The following ARHGEF3 variants were observed in gnomAD, a reference collection of about 807,000 sequenced individuals.
ARHGEF3 encodes the protein 59.8 kDA protein.
A neutral mutation model predicts 63.2 loss-of-function variants in ARHGEF3; 28 were observed. That is an observed-to-expected ratio of 0.44 (90% confidence interval 0.33 to 0.61). ARHGEF3 has a LOEUF of 0.61. Ranked by LOEUF, ARHGEF3 falls within the 20% of genes least tolerant of loss-of-function variation. ARHGEF3 has a pLI of 0.03. For synonymous variants in ARHGEF3, 266 were observed against 254.2 expected, an observed-to-expected ratio of 1.05 and a Z score of -0.44; for missense variants, 533 against 659.3, an observed-to-expected ratio of 0.81 and a Z score of 2.10.
chr3:56,958,225 C>T (rs1265369192), intron 3 of ARHGEF3, among the ~76,000 whole-genome samples: 2 of 152,116 alleles, frequency 1.3e-5, no homozygotes, highest in East Asian at 3.9e-4. Flanking sequence ...GCCTCAGCAA[C>T]CTTGACACTT....
intron 2 of ARHGEF3, among the ~76,000 whole-genome samples, chr3:56,982,218 C>T (rs1701352784): frequency 6.6e-6 from 1 of 150,898 alleles, no homozygotes; most frequent in Non-Finnish European, 1.5e-5. Context: ...GGTAGCCTAT[C>T]ACTAGACTTG....
chr3:56,765,422 CA>C (rs1185309209), intron 2 of ARHGEF3, among the ~76,000 whole-genome samples: 1 of 152,168 alleles, frequency 6.6e-6, no homozygotes, highest in Admixed American at 6.5e-5. Flanking sequence ...CTTTCCCTAA[CA>C]CACATGTGCC....
intron 1 of ARHGEF3, chr3:57,073,650 C>A: frequency 1.3e-6 from 2 of 1,571,966 alleles, no homozygotes; most frequent in Admixed American, 1.8e-5. Flanking sequence ...CGGCCAAGTG[C>A]CCCAGCCTCC....
At chr3:57,076,954 G>C (rs1389039167) in intron 1 of ARHGEF3, 1 of 152,202 alleles carries the variant, frequency 6.6e-6, no homozygotes, top group Non-Finnish European at 1.5e-5. Flanking sequence ...ATACAAGAAA[G>C]AGTGTGATAG....
intron 1 of ARHGEF3, among the ~76,000 whole-genome samples, chr3:56,787,327 A>G (rs139273108): frequency 2.6e-5 from 4 of 152,270 alleles, no homozygotes; most frequent in African/African-American, 7.2e-5. Flanking sequence ...AGCTTCGATC[A>G]ATTGCGATTA....
intron 1 of ARHGEF3, among the ~76,000 whole-genome samples, chr3:57,063,095 T>C (rs1705320108): frequency 6.6e-6 from 1 of 152,042 alleles, no homozygotes; most frequent in Non-Finnish European, 1.5e-5. Flanking sequence ...CTGAAGGAAA[T>C]GAGGGACCAA....
intron 7 of ARHGEF3, among the ~76,000 whole-genome samples, chr3:56,742,091 C>T (rs1424625520): frequency 1.3e-5 from 2 of 152,138 alleles, no homozygotes; most frequent in Non-Finnish European, 2.9e-5. Context: ...ATGATACTCA[C>T]TGGCTCCTGC....
At chr3:56,980,417 C>G (rs1228904470) in intron 2 of ARHGEF3, among the ~76,000 whole-genome samples, 1 of 152,170 alleles carries the variant, frequency 6.6e-6, no homozygotes, top group Non-Finnish European at 1.5e-5. Context: ...TATGGGGACT[C>G]AAAGTACAGT....
chr3:56,729,042 G>T lies in ARHGEF3; in HGVS notation c.*228C>A. On this transcript the variant is annotated 3_prime_UTR_variant, in exon 10 of 10. Transcript: ENST00000296315. ...GTTTGAGTACCTCTCCATCCATCCA[G>T]ACACTTGGGAAATACAACACAGGGT... is the stretch of plus-strand genomic sequence containing the variant. The T allele has an allele frequency of 2.1e-6, 1 of 475,442 alleles. No individual in the cohort carries two copies. Among genetic ancestry groups the T allele is most frequent in the Non-Finnish European group, 3.7e-6 (1 of 270,940 alleles). The allele number at this position is 475,442 out of a possible 1,614,324, so 29.5% of individuals were successfully genotyped here. A position where few individuals can be genotyped will look rare whatever the true frequency, so the allele number is the denominator to read the frequency against.
intron 1 of ARHGEF3, among the ~76,000 whole-genome samples, chr3:56,796,174 C>T (rs1490560531): frequency 1.3e-5 from 2 of 152,158 alleles, no homozygotes; most frequent in African/African-American, 2.4e-5. Flanking sequence ...ATACACACAT[C>T]ATCAATAACA....
chr3:56,758,524 T>G (rs527711957), intron 2 of ARHGEF3, among the ~76,000 whole-genome samples: 1 of 152,172 alleles, frequency 6.6e-6, no homozygotes, highest in Non-Finnish European at 1.5e-5. Context: ...CACAACCTTC[T>G]GGAAGCAGGA....
At chr3:56,867,367 A>G (rs757884873) in intron 4 of ARHGEF3, among the ~76,000 whole-genome samples, 2 of 152,270 alleles carry the variant, frequency 1.3e-5, no homozygotes, top group Non-Finnish European at 2.9e-5. Flanking sequence ...ATAAATTTAA[A>G]AAATACATAA....
At chr3:56,757,409 G>A (rs2035141092) in intron 2 of ARHGEF3, among the ~76,000 whole-genome samples, 1 of 152,022 alleles carries the variant, frequency 6.6e-6, no homozygotes, top group Non-Finnish European at 1.5e-5. Context: ...AGGAGGCGGA[G>A]ATTGCAGTGA....
intron 4 of ARHGEF3, among the ~76,000 whole-genome samples, chr3:56,878,169 C>T (rs2040652089): frequency 1.3e-5 from 2 of 152,184 alleles, no homozygotes; most frequent in Non-Finnish European, 2.9e-5. Context: ...GGAGCTCTGG[C>T]ACCAAGGGCC....
At chr3:56,968,258 TTTAAATATATA>T (rs1700732380) in intron 2 of ARHGEF3, among the ~76,000 whole-genome samples, 2 of 36,892 alleles carry the variant, frequency 5.4e-5, no homozygotes, top group Non-Finnish European at 1.1e-4. Context: ...ATATATAATA[TTTAAATATATA>T]ATATATAAAA....
chr3:56,782,319 C>A (rs1376242552), intron 1 of ARHGEF3, among the ~76,000 whole-genome samples: 1 of 152,084 alleles, frequency 6.6e-6, no homozygotes, highest in African/African-American at 2.4e-5. Flanking sequence ...GGTTTTTAAC[C>A]CCCAAGGTGA....
chr3:56,968,320 T>TA (rs1399899776), intron 2 of ARHGEF3, among the ~76,000 whole-genome samples: 29 of 53,960 alleles, frequency 5.4e-4, no homozygotes, highest in Admixed American at 1.2e-3. Flanking sequence ...ATAAAATATA[T>TA]TTTATATATA....
chr3:57,062,077 T>C (rs1057311420), intron 1 of ARHGEF3, among the ~76,000 whole-genome samples: 3 of 152,102 alleles, frequency 2.0e-5, no homozygotes, highest in African/African-American at 4.8e-5. Flanking sequence ...CTCCACTGGA[T>C]TGGATCTGTC....
chr3:56,868,391 C>T (rs1192681461), intron 4 of ARHGEF3, among the ~76,000 whole-genome samples: 4 of 149,348 alleles, frequency 2.7e-5, no homozygotes, highest in Non-Finnish European at 5.9e-5. Flanking sequence ...CAGAGTCTCG[C>T]TCTGTCACCC....
Sources: allele counts gnomAD v4.1 joint callset (sites outside exome capture counted in the v4.1 genomes callset), GRCh38; gene constraint gnomAD v4.1.1; transcripts MANE v1.5; gene names NCBI Gene and HGNC (gene_info 2026-07-23, HGNC 2026-07-21).